Variants in PIP4K2A observed in about 807,000 individuals in gnomAD.
The protein encoded by PIP4K2A is phosphatidylinositol 5-phosphate 4-kinase type-2 alpha.
A neutral mutation model predicts 42.9 loss-of-function variants in PIP4K2A; 14 were observed. The ratio of observed to expected loss-of-function variants is 0.33; its 90% CI spans 0.22 to 0.51. The LOEUF is 0.51. PIP4K2A is among the 20% of genes least tolerant of loss of function. The probability of loss-of-function intolerance (pLI) is 0.97; values close to 1 mark genes in which losing one functional copy is unlikely to be tolerated. For missense variants in PIP4K2A, 434 were observed against 519.8 expected (o/e 0.83, Z 1.61); for synonymous variants, 192 against 192.2 (o/e 1.00, Z 0.01).
At chr10:22,599,395 A>T (rs1303649624) in intron 3 of PIP4K2A, among the ~76,000 whole-genome samples, 1 of 152,150 alleles carries the variant, frequency 6.6e-6, no homozygotes, top group Non-Finnish European at 1.5e-5. Context: ...TTTCATATGG[A>T]TGTAACCATA....
At chr10:22,574,012 C>A (rs889066258) in intron 4 of PIP4K2A, among the ~76,000 whole-genome samples, 1 of 152,240 alleles carries the variant, frequency 6.6e-6, no homozygotes. Context: ...CCTGCTCTGC[C>A]GGCAGATGGG....
At chr10:22,689,688 T>C (rs950583235) in intron 1 of PIP4K2A, among the ~76,000 whole-genome samples, 1 of 152,146 alleles carries the variant, frequency 6.6e-6, no homozygotes, top group Non-Finnish European at 1.5e-5. Flanking sequence ...TGTAAACAGA[T>C]TTCAAGGTGC....
chr10:22,655,005 C>T (rs1839070645), intron 1 of PIP4K2A, among the ~76,000 whole-genome samples: 1 of 152,030 alleles, frequency 6.6e-6, no homozygotes, highest in African/African-American at 2.4e-5. Flanking sequence ...TTTAGAAGGC[C>T]AAGGAGGGAG....
intron 3 of PIP4K2A, among the ~76,000 whole-genome samples, chr10:22,605,837 T>C (rs1837894815): frequency 1.1e-5 from 1 of 91,182 alleles, no homozygotes; most frequent in Non-Finnish European, 2.1e-5. Context: ...CTGCTGTTAA[T>C]TCCTTTAAAA....
chr10:22,677,941 G>T (rs554332932), intron 1 of PIP4K2A, among the ~76,000 whole-genome samples: 6 of 152,162 alleles, frequency 3.9e-5, no homozygotes, highest in African/African-American at 1.2e-4. Context: ...GGCCACTAAG[G>T]GCTCTTAAAA....
intron 6 of PIP4K2A, among the ~76,000 whole-genome samples, chr10:22,564,698 A>G (rs1049137513): frequency 6.6e-6 from 1 of 152,214 alleles, no homozygotes; most frequent in African/African-American, 2.4e-5. Context: ...GAGGGGGTTT[A>G]GGCGAAGGTT....
intron 1 of PIP4K2A, among the ~76,000 whole-genome samples, chr10:22,702,564 T>C (rs989843165): frequency 6.6e-6 from 1 of 152,234 alleles, no homozygotes; most frequent in African/African-American, 2.4e-5. Flanking sequence ...AGTTCTTGCA[T>C]GCTGCTGTAA....
rs570864822 is a variant in PIP4K2A, at chr10:22,710,346, T to C, written c.144+3837A>G. Among the ~76,000 whole-genome samples, 10 of 152,366 alleles carry C rather than the reference T, an allele frequency of 6.6e-5. No individual in the cohort carries two copies. The South Asian group carries it at 1.9e-3, about 28-fold the overall frequency. On this transcript the variant is annotated intron_variant, in intron 1 of 9. Coordinates refer to ENST00000376573, the MANE Select transcript of PIP4K2A (RefSeq NM_005028.5). ...CTTTCCCCTCTCTGGGGACTGTTCT[T>C]TCCCCAACGCCAACAGGCAAGCGCT...
chr10:22,549,765 T>C (rs2130757612), intron 7 of PIP4K2A, among the ~76,000 whole-genome samples: 1 of 131,238 alleles, frequency 7.6e-6, no homozygotes, highest in South Asian at 2.5e-4. Flanking sequence ...GGCGTGAACC[T>C]GGGAGGCAGA....
intron 1 of PIP4K2A, among the ~76,000 whole-genome samples, chr10:22,661,485 T>A (rs944342052): frequency 6.6e-6 from 1 of 151,784 alleles, no homozygotes; most frequent in Non-Finnish European, 1.5e-5. Context: ...GTCTTCTGGG[T>A]AGCTGGACCA....
chr10:22,545,179 C>A (rs893563765), intron 7 of PIP4K2A, among the ~76,000 whole-genome samples: 1 of 152,206 alleles, frequency 6.6e-6, no homozygotes. Context: ...TTCTCCCCAA[C>A]CTGCTTCCAG....
At chr10:22,638,454 AAATT>A (rs1325532312) in intron 1 of PIP4K2A, among the ~76,000 whole-genome samples, 1 of 152,188 alleles carries the variant, frequency 6.6e-6, no homozygotes, top group Non-Finnish European at 1.5e-5. Context: ...TTCCTGACTT[AAATT>A]ATTATTTAAG....
At chr10:22,705,425 T>TAAAAA (rs1833800596) in intron 1 of PIP4K2A, among the ~76,000 whole-genome samples, 1 of 56,876 alleles carries the variant, frequency 1.8e-5, no homozygotes, top group African/African-American at 7.0e-5. Flanking sequence ...AGTACCCCAG[T>TAAAAA]TAAAAAAAAA....
chr10:22,573,000 T>C (rs1182819765), intron 5 of PIP4K2A, among the ~76,000 whole-genome samples: 1 of 152,240 alleles, frequency 6.6e-6, no homozygotes, highest in Non-Finnish European at 1.5e-5. Flanking sequence ...CTGCCTGTCT[T>C]TACCCACCAG....
chr10:22,584,077 T>C (rs559773327), intron 4 of PIP4K2A, among the ~76,000 whole-genome samples: 8 of 152,354 alleles, frequency 5.3e-5, no homozygotes, highest in African/African-American at 1.9e-4. Context: ...TGTGTCATCA[T>C]CTGGTTGGGC....
At chr10:22,688,128 AGTT>A (rs1338687306) in intron 1 of PIP4K2A, among the ~76,000 whole-genome samples, 3 of 152,264 alleles carry the variant, frequency 2.0e-5, no homozygotes, top group Non-Finnish European at 4.4e-5. Flanking sequence ...AAATGTATTC[AGTT>A]CACATTTTAT....
chr10:22,573,724 G>A (rs1056276716), intron 4 of PIP4K2A, among the ~76,000 whole-genome samples: 5 of 152,194 alleles, frequency 3.3e-5, no homozygotes, highest in African/African-American at 1.2e-4. Flanking sequence ...CCTTGGATAT[G>A]ATCGTGTAAG....
chr10:22,626,848 T>C (rs1215406188), intron 1 of PIP4K2A, among the ~76,000 whole-genome samples: 1 of 152,220 alleles, frequency 6.6e-6, no homozygotes, highest in African/African-American at 2.4e-5. Context: ...TACTTTCTTT[T>C]AGCCTAGTAA....
rs114809617 is a variant in PIP4K2A at position 22,649,173 on chromosome 10, G to C, written c.145-39456C>G. ...TTTAATGGATTCTCTAGAAGGCTTCGCCAGATTCTAAATGTTCCATCATAC... is the reference window on the plus strand; with the variant it reads ...TTTAATGGATTCTCTAGAAGGCTTCCCCAGATTCTAAATGTTCCATCATAC... On this transcript the variant is annotated intron_variant, in intron 1 of 9. Transcript: ENST00000376573. Among the ~76,000 whole-genome samples, 3 of 152,200 alleles carry C rather than the reference G, an allele frequency of 2.0e-5. No individual in the cohort carries two copies. The South Asian group carries it at 6.2e-4, about 32-fold the overall frequency.
Sources: gnomAD v4.1 joint callset for allele counts (sites outside exome capture counted in the v4.1 genomes callset) on GRCh38, gnomAD v4.1.1 for gene constraint, MANE v1.5 for transcripts, NCBI Gene and HGNC (gene_info 2026-07-23, HGNC 2026-07-21) for gene names.